The following SLC24A3 variants were observed in gnomAD, a reference collection of about 807,000 sequenced individuals.
The protein encoded by SLC24A3 is sodium/potassium/calcium exchanger 3.
Under a neutral mutation model 75.8 loss-of-function variants are expected in SLC24A3, and 28 were observed. The ratio of observed to expected loss-of-function variants is 0.37; its 90% CI spans 0.27 to 0.51. The LOEUF is 0.51. Among genes scored for constraint, SLC24A3 ranks in the 20% least tolerant of loss-of-function variants. The pLI is 0.94. For synonymous variants in SLC24A3, 372 were observed against 334.1 expected, an observed-to-expected ratio of 1.11 and a Z score of -1.24; for missense variants, 663 against 847.8, an observed-to-expected ratio of 0.78 and a Z score of 2.71.
chr20:19,408,565 T>C (rs185709097), intron 2 of SLC24A3, among the ~76,000 whole-genome samples: 16 of 152,088 alleles, frequency 1.1e-4, no homozygotes, highest in Admixed American at 9.8e-4. Context: ...AATTTTTGTA[T>C]TTTTGGTAGA....
chr20:19,531,794 A>T (rs1179408714), intron 3 of SLC24A3, among the ~76,000 whole-genome samples: 1 of 152,200 alleles, frequency 6.6e-6, no homozygotes, highest in African/African-American at 2.4e-5. Context: ...GACCACAGCG[A>T]AAAGTGAAAG....
At chr20:19,713,231 G>A (rs6035424) in intron 15 of SLC24A3, among the ~76,000 whole-genome samples, 3 of 152,336 alleles carry the variant, frequency 2.0e-5, no homozygotes, top group African/African-American at 7.2e-5. Flanking sequence ...ACAAGCACAC[G>A]TGGACATGCC....
intron 2 of SLC24A3, among the ~76,000 whole-genome samples, chr20:19,371,373 G>GAA (rs397709251): frequency 2.0e-5 from 3 of 151,978 alleles, no homozygotes; most frequent in African/African-American, 7.2e-5. Context: ...TCACCGAGCA[G>GAA]TCTGCTCTGC....
At chr20:19,267,609 T>C (rs73278909) in intron 1 of SLC24A3, among the ~76,000 whole-genome samples, 3,083 of 152,340 alleles carry the variant, frequency 0.02, 117 homozygotes, top group African/African-American at 0.071. Context: ...GGTTATGTAA[T>C]TTTGATTCCA....
intron 2 of SLC24A3, among the ~76,000 whole-genome samples, chr20:19,487,565 A>G (rs1300508099): frequency 6.6e-6 from 1 of 152,184 alleles, no homozygotes; most frequent in African/African-American, 2.4e-5. Context: ...GTGGTCCCCA[A>G]GCTAATACAT....
chr20:19,574,602 T>C (rs557424755), intron 3 of SLC24A3, among the ~76,000 whole-genome samples: 1 of 152,234 alleles, frequency 6.6e-6, no homozygotes. Flanking sequence ...GTACCCTGCA[T>C]GTCTCTTTTC....
At chr20:19,491,777 G>A (rs1988212737) in intron 2 of SLC24A3, among the ~76,000 whole-genome samples, 1 of 152,164 alleles carries the variant, frequency 6.6e-6, no homozygotes, top group Non-Finnish European at 1.5e-5. Flanking sequence ...AATTGAGGGT[G>A]TCTCCCCAGT....
At chr20:19,648,004 G>A (rs1217404107) in intron 6 of SLC24A3, among the ~76,000 whole-genome samples, 4 of 152,158 alleles carry the variant, frequency 2.6e-5, no homozygotes, top group East Asian at 1.9e-4. Context: ...TTGCAAAAGC[G>A]TGTAATTGTC....
intron 3 of SLC24A3, among the ~76,000 whole-genome samples, chr20:19,523,441 G>C (rs1032446772): frequency 6.6e-6 from 1 of 152,242 alleles, no homozygotes; most frequent in Non-Finnish European, 1.5e-5. Flanking sequence ...GGTGTCCAGA[G>C]AGGATTAGCA....
At chr20:19,531,144 A>G (rs1218570790) in intron 3 of SLC24A3, among the ~76,000 whole-genome samples, 2 of 151,986 alleles carry the variant, frequency 1.3e-5, no homozygotes, top group Admixed American at 1.3e-4. Context: ...AGGCCCCCTG[A>G]TGTTTATTGC....
intron 1 of SLC24A3, chr20:19,261,734 A>G (rs1165492022): frequency 1.3e-5 from 2 of 152,214 alleles, no homozygotes; most frequent in Non-Finnish European, 2.9e-5. Context: ...TTCCAGGAAG[A>G]AGTTTATGCA....
chr20:19,270,065 C>G (rs1031314013), intron 1 of SLC24A3, among the ~76,000 whole-genome samples: 1 of 152,180 alleles, frequency 6.6e-6, no homozygotes, highest in African/African-American at 2.4e-5. Context: ...TTGGGAGTCC[C>G]TGGGATTGCT....
intron 2 of SLC24A3, among the ~76,000 whole-genome samples, chr20:19,378,987 G>A (rs1261247595): frequency 6.6e-6 from 1 of 151,914 alleles, no homozygotes; most frequent in African/African-American, 2.4e-5. Context: ...AAAAGTCAAG[G>A]GAATGTCTTG....
At chr20:19,593,833 A>G (rs1985668206) in intron 6 of SLC24A3, among the ~76,000 whole-genome samples, 1 of 152,214 alleles carries the variant, frequency 6.6e-6, no homozygotes, top group African/African-American at 2.4e-5. Flanking sequence ...AGAGGGGCAC[A>G]CTTGGGTGCA....
chr20:19,240,014 A>G (rs1385626543), intron 1 of SLC24A3, among the ~76,000 whole-genome samples: 2 of 152,182 alleles, frequency 1.3e-5, no homozygotes, highest in African/African-American at 4.8e-5. Context: ...CCTAACAGAG[A>G]TGATCAGTTT....
chr20:19,607,525 A>G (rs2031613558), intron 6 of SLC24A3, among the ~76,000 whole-genome samples: 1 of 152,222 alleles, frequency 6.6e-6, no homozygotes, highest in Non-Finnish European at 1.5e-5. Flanking sequence ...TTGCTCATTA[A>G]TGTACCATTT....
At chr20:19,651,419 C>A (rs974302945) in intron 6 of SLC24A3, among the ~76,000 whole-genome samples, 3 of 143,634 alleles carry the variant, frequency 2.1e-5, no homozygotes, top group African/African-American at 7.7e-5. Flanking sequence ...ATATATATAT[C>A]TGCTTTCCTC....
chr20:19,394,786 A>G (rs556037251), intron 2 of SLC24A3, among the ~76,000 whole-genome samples: 1 of 152,362 alleles, frequency 6.6e-6, no homozygotes, highest in Non-Finnish European at 1.5e-5. Context: ...AAAATGGTGC[A>G]GCCACAGTGG....
chr20:19,310,123 G>C (rs6045987), intron 2 of SLC24A3, among the ~76,000 whole-genome samples: 23,479 of 152,142 alleles, frequency 0.15, 4,431 homozygotes, highest in African/African-American at 0.43. Flanking sequence ...CTTCACCTAG[G>C]TGTCATGACA....
Sources: allele counts gnomAD v4.1 joint callset (sites outside exome capture counted in the v4.1 genomes callset), GRCh38; gene constraint gnomAD v4.1.1; transcripts MANE v1.5; gene names NCBI Gene and HGNC (gene_info 2026-07-23, HGNC 2026-07-21).